The following PLSCR1 variants were observed in gnomAD, a reference collection of about 807,000 sequenced individuals.
PLSCR1 encodes phospholipid scramblase 1.
A neutral mutation model predicts 37.8 loss-of-function variants in PLSCR1; 17 were observed. That is an observed-to-expected ratio of 0.45 (90% CI 0.31 to 0.68). PLSCR1 has a LOEUF of 0.68. Ranked by LOEUF, PLSCR1 falls within the 30% of genes least tolerant of loss-of-function variation. PLSCR1 has a pLI of 0.06. For synonymous variants in PLSCR1, 116 were observed against 125.9 expected (o/e 0.92, Z 0.53); for missense variants, 347 against 380.9 (o/e 0.91, Z 0.74).
chr3:146,535,061 T>C (rs946023042), intron 2 of PLSCR1, among the ~76,000 whole-genome samples: 15 of 152,088 alleles, frequency 9.9e-5, no homozygotes, highest in African/African-American at 3.1e-4. Flanking sequence ...CCTAACTCCC[T>C]AGTTCTCTAG....
At chr3:146,523,862 T>C (rs2044068080) in intron 5 of PLSCR1, among the ~76,000 whole-genome samples, 1 of 152,208 alleles carries the variant, frequency 6.6e-6, no homozygotes, top group Non-Finnish European at 1.5e-5. Flanking sequence ...AACTGTCCCA[T>C]TTGTACATAG....
chr3:146,528,418 C>T, intron 4 of PLSCR1, 196 bp downstream of exon 4: 1 of 592,708 alleles, frequency 1.7e-6, no homozygotes, highest in Non-Finnish European at 3.0e-6. Flanking sequence ...TTTAAGATAA[C>T]AGAAAATACA....
Position 146,528,956 on chromosome 3 carries a change from A to T in PLSCR1, c.95-125T>A, listed in dbSNP as rs1576789858. ...GTAGACATCTGTATCTGTGATGTTT[A>T]ATACGCTTTTCTCTTTCTGAGATTT... On this transcript the variant is annotated intron_variant, in intron 3 of 8. Transcript: ENST00000342435. 4 of 665,806 alleles carry T rather than the reference A, an allele frequency of 6.0e-6. No homozygotes were observed. The East Asian group carries it at 1.1e-4, about 18-fold the overall frequency. The allele number at this position is 665,806 out of a possible 1,614,324, so 41.2% of individuals were successfully genotyped here.
Position 146,539,905 on chromosome 3 carries a change from T to C in PLSCR1, c.-13-3340A>G, listed in dbSNP as rs111257539. On this transcript the variant is annotated intron_variant, in intron 1 of 8. Coordinates refer to ENST00000342435, the MANE Select transcript of PLSCR1 (RefSeq NM_021105.3). ...GATAAGGCACTGTGTGCCAGGTCAC[T>C]AAAGTCATCCACTATGTGGATGCCT... is the stretch of plus-strand genomic sequence containing the variant. Among the ~76,000 whole-genome samples the C allele has an allele frequency of 3.9e-3, 600 of 152,322 alleles. 6 individuals carry two copies. Among genetic ancestry groups the C allele is most frequent in the African/African-American group, 0.013 (553 of 41,574 alleles).
intron 2 of PLSCR1, 21 bp downstream of exon 2, chr3:146,536,519 C>G: frequency 2.5e-6 from 3 of 1,212,604 alleles, no homozygotes; most frequent in Non-Finnish European, 3.7e-6. Flanking sequence ...GGAAAGTAAA[C>G]ATTTAAAATA....
chr3:146,517,607 T>A (rs343319), intron 7 of PLSCR1, among the ~76,000 whole-genome samples: 1 of 151,906 alleles, frequency 6.6e-6, no homozygotes, highest in Admixed American at 6.6e-5. Context: ...GGCTTATTAC[T>A]ACCCACTGTG....
chr3:146,535,216 A>G (rs1340295122), intron 2 of PLSCR1, among the ~76,000 whole-genome samples: 1 of 152,116 alleles, frequency 6.6e-6, no homozygotes, highest in African/African-American at 2.4e-5. Context: ...ATACCTCTTA[A>G]TAAGCAACAT....
At position 146,515,327 on chromosome 3, in the gene PLSCR1, A is replaced by C. The variant is rs556082873; in HGVS notation, c.*718T>G. 5 of 152,302 alleles carry C rather than the reference A, an allele frequency of 3.3e-5. No individual in the cohort carries two copies. The East Asian group carries it at 9.7e-4, about 29-fold the overall frequency. 9.4% of individuals were successfully genotyped at this position (152,302 alleles called of 1,614,324 possible). A position where few individuals can be genotyped will look rare whatever the true frequency, so the allele number is the denominator to read the frequency against. ...TTTTCTAGGAAGGATAGAGTGTAAG[A>C]GCTAAACATTTCATGTAGAAATATT... On this transcript the variant is annotated 3_prime_UTR_variant, in exon 9 of 9. Transcript: ENST00000342435.
chr3:146,538,548 TA>T (rs1040624767), intron 1 of PLSCR1, among the ~76,000 whole-genome samples: 44 of 150,108 alleles, frequency 2.9e-4, no homozygotes, highest in South Asian at 6.3e-4. Context: ...ATGCTTAGCT[TA>T]AAAAAAAAAT....
At chr3:146,539,632 A>G (rs1056194585) in intron 1 of PLSCR1, among the ~76,000 whole-genome samples, 5 of 152,238 alleles carry the variant, frequency 3.3e-5, no homozygotes, top group Non-Finnish European at 5.9e-5. Flanking sequence ...AGATTCTAAA[A>G]CAATGACAAT....
chr3:146,524,150 G>A lies in PLSCR1; in HGVS notation c.355+1455C>T, dbSNP rs2044072243. Among the ~76,000 whole-genome samples the A allele has an allele frequency of 2.0e-5, 3 of 152,022 alleles. 1 individual carries two copies. In the South Asian group the frequency reaches 6.2e-4, roughly 32 times the overall value. On this transcript the variant is annotated intron_variant, in intron 5 of 8. Transcript: ENST00000342435. Reference sequence around the variant, plus strand: ...GAAAAAAGTTAAGCTGATTTTGAGAGGACATTCATTATCTAATTAATTGTT... The same window carrying A: ...GAAAAAAGTTAAGCTGATTTTGAGAAGACATTCATTATCTAATTAATTGTT...
rs2108612122 is a variant in PLSCR1 at position 146,515,427 on chromosome 3, C to A, written c.*618G>T. ...AATGTGTCTTTCTTTGGGAGAGAAT[C>A]ATTTTGTTCTTTACTAACAATAATT... On this transcript the variant is annotated 3_prime_UTR_variant, in exon 9 of 9. Transcript: ENST00000342435. The A allele has an allele frequency of 6.6e-6, 1 of 152,040 alleles. No individual in the cohort carries two copies. The highest frequency in any genetic ancestry group is 2.4e-5 in the African/African-American group (1 of 41,508). The allele number at this position is 152,040 out of a possible 1,614,324, so 9.4% of individuals were successfully genotyped here.
chr3:146,516,253 T>C, intron 8 of PLSCR1, 152 bp from the exon 9 acceptor site: 1 of 500,922 alleles, frequency 2.0e-6, no homozygotes, highest in Non-Finnish European at 3.5e-6. Context: ...AGCTCTATAA[T>C]TATATAAGTT....
chr3:146,541,347 A>G (rs2044335937), intron 1 of PLSCR1, among the ~76,000 whole-genome samples: 1 of 152,206 alleles, frequency 6.6e-6, no homozygotes, highest in Non-Finnish European at 1.5e-5. Context: ...GAGACAAAGG[A>G]AACAAATACT....
chr3:146,519,617 A>C (rs55775421), intron 7 of PLSCR1, among the ~76,000 whole-genome samples: 31,833 of 152,026 alleles, frequency 0.21, 3,416 homozygotes, highest in South Asian at 0.26. Flanking sequence ...TTCTTTTCCT[A>C]TACATAACTA....
At chr3:146,526,149 C>T (rs1270874606) in intron 4 of PLSCR1, among the ~76,000 whole-genome samples, 1 of 133,564 alleles carries the variant, frequency 7.5e-6, no homozygotes, top group African/African-American at 2.8e-5. Flanking sequence ...CGCTACTGCA[C>T]TCCAGCCTGG....
intron 7 of PLSCR1, among the ~76,000 whole-genome samples, chr3:146,518,774 G>T (rs1424883248): frequency 6.6e-6 from 1 of 152,080 alleles, no homozygotes; most frequent in Non-Finnish European, 1.5e-5. Flanking sequence ...CAATAAATTA[G>T]CAGGACTAGA....
chr3:146,520,054 C>G (rs2043998115), intron 7 of PLSCR1: 1 of 151,958 alleles, frequency 6.6e-6, no homozygotes, highest in African/African-American at 2.4e-5. Context: ...TTTCATGTTC[C>G]TTAGTGGTCC....
chr3:146,527,796 G>C (rs2108642220), intron 4 of PLSCR1: 1 of 152,240 alleles, frequency 6.6e-6, no homozygotes. Context: ...AATGAAAACT[G>C]GTTGAATATC....
Sources: gnomAD v4.1 joint callset for allele counts (sites outside exome capture counted in the v4.1 genomes callset) on GRCh38, gnomAD v4.1.1 for gene constraint, MANE v1.5 for transcripts, NCBI Gene and HGNC (gene_info 2026-07-23, HGNC 2026-07-21) for gene names.